DLG2: variants seen among roughly 807,000 people sequenced by gnomAD.
DLG2 encodes discs large MAGUK scaffold protein 2.
Under a neutral mutation model 132.5 loss-of-function variants are expected in DLG2, and 45 were observed. That is an observed-to-expected ratio of 0.34 (90% CI 0.27 to 0.44). The LOEUF (loss-of-function observed/expected upper bound fraction) is 0.44. Ranked by LOEUF, DLG2 falls within the 20% of genes least tolerant of loss-of-function variation. The pLI is 1.00. For missense variants in DLG2, 1,045 were observed against 1,196.9 expected (o/e 0.87, Z 1.87); for synonymous variants, 424 against 419.6 (o/e 1.01, Z -0.13).
intron 11 of DLG2, among the ~76,000 whole-genome samples, chr11:83,984,578 A>G (rs2093096585): frequency 6.6e-6 from 1 of 152,142 alleles, no homozygotes; most frequent in Admixed American, 6.6e-5. Flanking sequence ...TCATTCATTT[A>G]TTCATTCACA....
At chr11:85,018,422 T>A (rs111981439) in intron 6 of DLG2, among the ~76,000 whole-genome samples, 3 of 151,714 alleles carry the variant, frequency 2.0e-5, no homozygotes, top group South Asian at 2.1e-4. Flanking sequence ...GTCTGACATA[T>A]GTTTTGAATT....
intron 4 of DLG2, among the ~76,000 whole-genome samples, chr11:85,190,052 T>A (rs1250208926): frequency 1.3e-5 from 2 of 152,222 alleles, no homozygotes; most frequent in Non-Finnish European, 2.9e-5. Context: ...GCAGGACTTC[T>A]AATGCTTTAG....
intron 4 of DLG2, among the ~76,000 whole-genome samples, chr11:85,170,340 G>C (rs976108479): frequency 6.6e-6 from 1 of 152,072 alleles, no homozygotes; most frequent in African/African-American, 2.4e-5. Flanking sequence ...TACTTGCCTC[G>C]TAAGAACCTT....
intron 11 of DLG2, among the ~76,000 whole-genome samples, chr11:84,031,418 A>C (rs1031835353): frequency 6.6e-6 from 1 of 152,158 alleles, no homozygotes; most frequent in Non-Finnish European, 1.5e-5. Flanking sequence ...TTATGAGACT[A>C]TTAGACTTGA....
At chr11:83,756,032 C>T (rs982480516) in intron 18 of DLG2, among the ~76,000 whole-genome samples, 2 of 151,294 alleles carry the variant, frequency 1.3e-5, no homozygotes, top group African/African-American at 4.9e-5. Context: ...GTTGTCTATT[C>T]CTCGGTATAT....
At chr11:84,637,889 T>C (rs1311597440) in intron 6 of DLG2, among the ~76,000 whole-genome samples, 2 of 152,178 alleles carry the variant, frequency 1.3e-5, no homozygotes, top group African/African-American at 4.8e-5. Flanking sequence ...TCTTAAGTTT[T>C]TGTGAGGCTT....
intron 3 of DLG2, among the ~76,000 whole-genome samples, chr11:85,550,265 C>A (rs2076583458): frequency 6.6e-6 from 1 of 152,212 alleles, no homozygotes. Context: ...AGGTGGAGGG[C>A]CCACTGAGCT....
At chr11:83,863,542 T>A (rs1256737535) in intron 16 of DLG2, among the ~76,000 whole-genome samples, 4 of 151,812 alleles carry the variant, frequency 2.6e-5, no homozygotes, top group Non-Finnish European at 5.9e-5. Context: ...TTCTAGCACA[T>A]GAGAAAGAAA....
At chr11:85,459,105 G>A (rs185242614) in intron 3 of DLG2, among the ~76,000 whole-genome samples, 2 of 152,334 alleles carry the variant, frequency 1.3e-5, no homozygotes, top group Non-Finnish European at 2.9e-5. Context: ...TCTCCCTAGT[G>A]CAAGAGCAGC....
intron 6 of DLG2, among the ~76,000 whole-genome samples, chr11:84,593,400 C>A (rs1273190848): frequency 1.3e-5 from 2 of 152,082 alleles, no homozygotes; most frequent in Admixed American, 6.6e-5. Flanking sequence ...AACCCAAATG[C>A]CCATCAATGA....
intron 7 of DLG2, among the ~76,000 whole-genome samples, chr11:84,427,699 CT>C (rs1409750712): frequency 2.0e-5 from 3 of 152,012 alleles, no homozygotes; most frequent in African/African-American, 7.3e-5. Context: ...CCCCAATATA[CT>C]TTTTTTCCTT....
At chr11:84,977,550 C>A (rs2055077522) in intron 6 of DLG2, among the ~76,000 whole-genome samples, 1 of 152,136 alleles carries the variant, frequency 6.6e-6, no homozygotes, top group Non-Finnish European at 1.5e-5. Context: ...TTCTGATATT[C>A]ATTAACTCAT....
chr11:85,261,932 G>C (rs1342000006), intron 4 of DLG2, among the ~76,000 whole-genome samples: 1 of 152,108 alleles, frequency 6.6e-6, no homozygotes, highest in Non-Finnish European at 1.5e-5. Flanking sequence ...GTCAGGGGAA[G>C]AAAGTATGGC....
At chr11:84,411,860 C>T (rs1174300415) in intron 7 of DLG2, among the ~76,000 whole-genome samples, 1 of 152,170 alleles carries the variant, frequency 6.6e-6, no homozygotes, top group South Asian at 2.1e-4. Context: ...CATAGACTGA[C>T]TTTATTCCTT....
intron 3 of DLG2, among the ~76,000 whole-genome samples, chr11:85,369,718 C>G (rs2084830750): frequency 6.6e-6 from 1 of 152,098 alleles, no homozygotes; most frequent in Non-Finnish European, 1.5e-5. Context: ...GGGATGAGCT[C>G]TCTCTGGTTC....
intron 19 of DLG2, among the ~76,000 whole-genome samples, chr11:83,601,507 G>GTTTTTTTT (rs1365389170): frequency 2.9e-4 from 15 of 51,386 alleles, no homozygotes; most frequent in East Asian, 8.2e-4. Flanking sequence ...AATATGTGAT[G>GTTTTTTTT]TTCTTTTTTT....
chr11:84,972,052 C>T (rs946538805), intron 6 of DLG2, among the ~76,000 whole-genome samples: 1 of 152,170 alleles, frequency 6.6e-6, no homozygotes, highest in East Asian at 1.9e-4. Flanking sequence ...ACTTATGACT[C>T]AGAGGGGGGG....
chr11:83,481,897 G>A (rs532415054), intron 22 of DLG2, among the ~76,000 whole-genome samples: 6 of 152,066 alleles, frequency 3.9e-5, no homozygotes, highest in East Asian at 3.9e-4. Context: ...ATTCTGGATT[G>A]AAATGGTGTC....
chr11:83,596,218 G>A (rs1174260653), intron 19 of DLG2, among the ~76,000 whole-genome samples: 1 of 152,148 alleles, frequency 6.6e-6, no homozygotes, highest in Non-Finnish European at 1.5e-5. Flanking sequence ...AGGGGAGGAT[G>A]TCCATTCTTC....
Sources: gnomAD v4.1 joint callset for allele counts (sites outside exome capture counted in the v4.1 genomes callset) on GRCh38, gnomAD v4.1.1 for gene constraint, MANE v1.5 for transcripts, NCBI Gene and HGNC (gene_info 2026-07-23, HGNC 2026-07-21) for gene names.